The following TAB1 variants were observed in gnomAD, a reference collection of about 807,000 sequenced individuals.
TAB1 encodes the protein TGF-beta-activated kinase 1 and MAP3K7-binding protein 1.
Under a neutral mutation model 54.5 loss-of-function variants are expected in TAB1, and 30 were observed. The ratio of observed to expected loss-of-function variants is 0.55; its 90% CI spans 0.41 to 0.75. TAB1 has a LOEUF of 0.75. Among genes scored for constraint, TAB1 ranks in the 30% least tolerant of loss-of-function variants. TAB1 has a pLI of 0.00. For missense variants in TAB1, 609 were observed against 683.2 expected (o/e 0.89, Z 1.21); for synonymous variants, 289 against 286.9 (o/e 1.01, Z -0.07).
In TAB1 at chr22:39,430,038, A is replaced by C; in HGVS notation, c.1331A>C (p.Gln444Pro). The C allele has an allele frequency of 6.2e-7, 1 of 1,613,750 alleles. No individual in the cohort carries two copies. Among genetic ancestry groups the C allele is most frequent in the Non-Finnish European group, 8.5e-7 (1 of 1,180,028 alleles). Residue 444 changes from glutamine to proline, a missense_variant, in exon 11 of 11, where the codon CAG becomes CCG. Physicochemically the swap from Gln to Pro is moderately conservative, Grantham distance 76. Transcript: ENST00000216160. Reference protein sequence around the residue: ...LTNQSPTLTLQSTNTHTQSSS... With the variant: ...LTNQSPTLTLPSTNTHTQSSS... ...AGCCAAAGCCCGACCTTAACCCTGC[A>C]GTCCACCAACACGCACACGCAGAGC...
Position 39,430,364 on chromosome 22 carries a change from G to A in TAB1, c.*142G>A. ...GCAGACTCTGTCCCATGGCTCTCCG[G>A]GCAGTAGAGTGTGTGAGTGCAGACT... On this transcript the variant is annotated 3_prime_UTR_variant, in exon 11 of 11. Transcript: ENST00000216160. The A allele has an allele frequency of 3.4e-6, 5 of 1,485,142 alleles. No individual in the cohort carries two copies. The highest frequency in any genetic ancestry group is 2.1e-5 in the Admixed American group (1 of 47,324). The allele number at this position is 1,485,142 out of a possible 1,614,324, so 92.0% of individuals were successfully genotyped here. A position where few individuals can be genotyped will look rare whatever the true frequency, so the allele number is the denominator to read the frequency against.
chr22:39,435,076 T>C (rs568293255), downstream of TAB1, among the ~76,000 whole-genome samples: 2 of 152,230 alleles, frequency 1.3e-5, no homozygotes, highest in Non-Finnish European at 2.9e-5. Context: ...GAGCAGGGTT[T>C]CTGAGACTTC....
At chr22:39,434,151 A>G (rs1667965197), downstream of TAB1, among the ~76,000 whole-genome samples, 1 of 152,226 alleles carries the variant, frequency 6.6e-6, no homozygotes, top group Non-Finnish European at 1.5e-5. Context: ...ATTGCTGAAC[A>G]CATCGAGTGG....
At chr22:39,416,967 GC>G in intron 4 of TAB1, 90 bp downstream of exon 4, 1 of 1,327,044 alleles carries the variant, frequency 7.5e-7, no homozygotes. Flanking sequence ...ACATTACTGG[GC>G]CAGAGCAACA....
intron 10 of TAB1, chr22:39,429,289 A>G (rs1927482691): frequency 5.1e-6 from 5 of 985,290 alleles, no homozygotes; most frequent in Non-Finnish European, 6.0e-6. Context: ...TTCTAGAAGA[A>G]GACACCTTGC....
chr22:39,399,830 C>A lies in TAB1; in HGVS notation c.28C>A (p.Gln10Lys), dbSNP rs1157451560. The change falls in exon 1 of 11, where the codon CAG becomes AAG. Residue 10 changes from glutamine to lysine, a missense_variant. Gln to Lys is a moderately conservative substitution (Grantham distance 53, BLOSUM62 1). Coordinates refer to ENST00000216160, the MANE Select transcript of TAB1 (RefSeq NM_006116.3). MAAQRRSLL[Q>K]SEQQPSWTDD... ...GGCGGCGCAGAGGAGGAGCTTGCTG[C>A]AGAGTGTGAGGAACAGGCCCGCTCT... 1.9e-6 allele frequency: 3 copies of A among 1,597,502 alleles called. No individual in the cohort carries two copies. The highest frequency in any genetic ancestry group is 8.5e-7 in the Non-Finnish European group (1 of 1,172,542).
Position 39,431,546 on chromosome 22 carries a change from G to A in TAB1, c.*1324G>A, listed in dbSNP as rs1357443516. ...ACAGCCTCTGGGGTGCTTGGTCTCT[G>A]CGAAGTCAAAGGCCTGACAGCTCTG... On this transcript the variant is annotated 3_prime_UTR_variant, in exon 11 of 11. Coordinates refer to ENST00000216160, the MANE Select transcript of TAB1 (RefSeq NM_006116.3). 3 of 985,424 alleles carry A rather than the reference G, an allele frequency of 3.0e-6. No individual in the cohort carries two copies. In the African/African-American group the frequency reaches 5.2e-5, roughly 17 times the overall value. 61.0% of individuals were successfully genotyped at this position (985,424 alleles called of 1,614,324 possible). A position where few individuals can be genotyped will look rare whatever the true frequency, so the allele number is the denominator to read the frequency against.
At chr22:39,427,972 G>A in intron 9 of TAB1, 49 bp from the exon 10 acceptor site, 1 of 1,521,404 alleles carries the variant, frequency 6.6e-7, no homozygotes, top group Non-Finnish European at 8.9e-7. Flanking sequence ...TGCTACCCTG[G>A]GTTTCTCCTC....
chr22:39,426,399 C>T (rs1927338532), intron 8 of TAB1, among the ~76,000 whole-genome samples: 1 of 152,206 alleles, frequency 6.6e-6, no homozygotes. Flanking sequence ...TGGCAGAGTG[C>T]TCTCACACCA....
intron 8 of TAB1, 42 bp from the exon 9 acceptor site, chr22:39,426,661 G>A (rs371868910): frequency 2.1e-5 from 33 of 1,536,370 alleles, no homozygotes; most frequent in African/African-American, 1.8e-4. Context: ...CCCCCAGGCC[G>A]CACCTCGTTC....
intron 1 of TAB1, among the ~76,000 whole-genome samples, chr22:39,402,344 GTGTT>G (rs1396577109): frequency 6.6e-6 from 1 of 152,056 alleles, no homozygotes; most frequent in Non-Finnish European, 1.5e-5. Context: ...ATGTGTGCAT[GTGTT>G]TGTTAAGCTT....
At chr22:39,425,522 G>A (rs976004135) in intron 8 of TAB1, among the ~76,000 whole-genome samples, 15 of 151,986 alleles carry the variant, frequency 9.9e-5, no homozygotes, top group Admixed American at 7.9e-4. Context: ...AAGTGATGAT[G>A]TTCAGTAGAT....
At chr22:39,403,370 C>T (rs181342471) in intron 1 of TAB1, among the ~76,000 whole-genome samples, 9 of 152,212 alleles carry the variant, frequency 5.9e-5, no homozygotes, top group East Asian at 3.9e-4. Context: ...GAGATGAAAA[C>T]GGGGAAATGG....
chr22:39,423,068 G>A (rs1432050214), intron 8 of TAB1, among the ~76,000 whole-genome samples: 1 of 151,754 alleles, frequency 6.6e-6, no homozygotes, highest in African/African-American at 2.4e-5. Flanking sequence ...AACCTTCTGG[G>A]TTCAACCGAT....
intron 1 of TAB1, among the ~76,000 whole-genome samples, chr22:39,413,795 A>C (rs904308336): frequency 6.6e-6 from 1 of 152,174 alleles, no homozygotes; most frequent in Non-Finnish European, 1.5e-5. Flanking sequence ...GTAGTTCTGC[A>C]TGGTGGTTCT....
chr22:39,430,346 C>A lies in TAB1; in HGVS notation c.*124C>A. ...CCCCATCCTCTGCCCACAGCAGACT[C>A]TGTCCCATGGCTCTCCGGGCAGTAG... On this transcript the variant is annotated 3_prime_UTR_variant, in exon 11 of 11. Coordinates refer to ENST00000216160, the MANE Select transcript of TAB1 (RefSeq NM_006116.3). 6.6e-7 allele frequency: 1 copy of A among 1,517,010 alleles called. No individual in the cohort carries two copies. Among genetic ancestry groups the A allele is most frequent in the Non-Finnish European group, 8.8e-7 (1 of 1,135,612 alleles). The allele number at this position is 1,517,010 out of a possible 1,614,324, so 94.0% of individuals were successfully genotyped here.
intron 1 of TAB1, among the ~76,000 whole-genome samples, chr22:39,405,308 C>T (rs973351143): frequency 1.3e-5 from 2 of 152,118 alleles, no homozygotes; most frequent in South Asian, 2.1e-4. Context: ...CTTTTCATAC[C>T]GAAACATTAA....
At chr22:39,426,645 C>A in intron 8 of TAB1, 58 bp from the exon 9 acceptor site, 1 of 1,459,962 alleles carries the variant, frequency 6.8e-7, no homozygotes. Flanking sequence ...AGATTATGGC[C>A]CATGCCCCCC....
At chr22:39,426,312 A>ACT (rs1475966029) in intron 8 of TAB1, among the ~76,000 whole-genome samples, 1 of 152,220 alleles carries the variant, frequency 6.6e-6, no homozygotes, top group Non-Finnish European at 1.5e-5. Flanking sequence ...TAGCATGTAT[A>ACT]ACATCGCCTA....
Sources: allele counts gnomAD v4.1 joint callset (sites outside exome capture counted in the v4.1 genomes callset), GRCh38; gene constraint gnomAD v4.1.1; transcripts MANE v1.5; gene names NCBI Gene and HGNC (gene_info 2026-07-23, HGNC 2026-07-21).